Variants in ASIC2 observed in about 807,000 individuals in gnomAD.
ASIC2 encodes the protein acid-sensing ion channel 2.
ASIC2 carries 25 observed loss-of-function variants against 57.3 expected under a neutral mutation model. The ratio of observed to expected loss-of-function variants is 0.44; its 90% CI spans 0.32 to 0.61. The LOEUF (loss-of-function observed/expected upper bound fraction) is 0.61. ASIC2 is among the 20% of genes least tolerant of loss of function. The probability of loss-of-function intolerance (pLI) is 0.06; values close to 1 mark genes in which losing one functional copy is unlikely to be tolerated. For missense variants in ASIC2, 641 were observed against 738.1 expected (o/e 0.87, Z 1.52); for synonymous variants, 319 against 307.5 (o/e 1.04, Z -0.39).
chr17:33,171,544 T>C lies in ASIC2; in HGVS notation c.709-59477A>G, dbSNP rs115168897. ...TTCCACCTGCTTTTCTCCATCACCA[T>C]TGTTATCATGTCTGTTATCCATTAC... On this transcript the variant is annotated intron_variant, in intron 1 of 9. Transcript: ENST00000225823. 8.8e-3 allele frequency among the ~76,000 whole-genome samples: 1,339 copies of C among 152,316 alleles called. 23 individuals are homozygous for C. Among genetic ancestry groups the C allele is most frequent in the African/African-American group, 0.03 (1,247 of 41,564 alleles).
intron 1 of ASIC2, among the ~76,000 whole-genome samples, chr17:33,393,306 A>G (rs1909965918): frequency 6.6e-6 from 1 of 152,010 alleles, no homozygotes; most frequent in South Asian, 2.1e-4. Flanking sequence ...TGTTGTAGCC[A>G]TTCACCATGG....
chr17:33,801,711 A>G (rs372495054), intron 1 of ASIC2, among the ~76,000 whole-genome samples: 4 of 152,222 alleles, frequency 2.6e-5, no homozygotes, highest in African/African-American at 7.2e-5. Flanking sequence ...GTTATTAGCC[A>G]GAACCTTCAA....
intron 1 of ASIC2, among the ~76,000 whole-genome samples, chr17:33,241,138 T>A (rs1335620271): frequency 6.6e-6 from 1 of 152,234 alleles, no homozygotes; most frequent in African/African-American, 2.4e-5. Context: ...ATTAAACCCA[T>A]GTCTCCTTCA....
chr17:33,297,956 CTTTT>C (rs35388631), upstream of ASIC2, among the ~76,000 whole-genome samples: 2 of 136,820 alleles, frequency 1.5e-5, no homozygotes, highest in Non-Finnish European at 3.1e-5. Context: ...CTTTCTCTGC[CTTTT>C]TTTTTTTTTT....
chr17:33,088,931 A>C lies in ASIC2; in HGVS notation c.919T>G (p.Phe307Val), dbSNP rs562190167. 6.2e-7 allele frequency: 1 copy of C among 1,614,126 alleles called. No homozygotes were observed. Among genetic ancestry groups the C allele is most frequent in the South Asian group, 1.1e-5 (1 of 91,068 alleles). ...ACCCCAAAGCCCAGCTCTTGGATGAAAGGTGGCTCAGACTGACTGTGGATC... is the reference window on the plus strand; with the variant it reads ...ACCCCAAAGCCCAGCTCTTGGATGACAGGTGGCTCAGACTGACTGTGGATC... The part of the protein sequence containing the change: ...VQIHSQSEPP[F>V]IQELGFGVAP... The change falls in exon 3 of 10, where the codon TTC (phenylalanine) becomes GTC (valine). Residue 307 changes from phenylalanine to valine, a missense_variant. This residue lies in a region of ASIC2 where 252 missense variants were observed against 319.8 expected (regional missense o/e 0.79). Transcript: ENST00000225823.
chr17:33,209,006 G>A (rs1290416755), intron 1 of ASIC2, among the ~76,000 whole-genome samples: 3 of 152,094 alleles, frequency 2.0e-5, no homozygotes, highest in Non-Finnish European at 1.5e-5. Context: ...GCCTTCTAAT[G>A]CTCTGGTGTG....
chr17:33,272,040 T>G (rs901860145), intron 1 of ASIC2, among the ~76,000 whole-genome samples: 1 of 135,678 alleles, frequency 7.4e-6, no homozygotes, highest in African/African-American at 2.6e-5. Flanking sequence ...TGGCACTGTA[T>G]CTCTTCTGCC....
At chr17:33,963,364 G>A (rs566072660) in intron 1 of ASIC2, among the ~76,000 whole-genome samples, 2 of 152,110 alleles carry the variant, frequency 1.3e-5, no homozygotes, top group East Asian at 1.9e-4. Context: ...TCACATTTTC[G>A]TTTCTGCCCC....
intron 1 of ASIC2, among the ~76,000 whole-genome samples, chr17:33,766,362 T>C (rs1485990627): frequency 3.3e-5 from 5 of 152,208 alleles, no homozygotes; most frequent in African/African-American, 4.8e-5. Context: ...CCTACAGATA[T>C]AGAGGGACTG....
At chr17:33,922,352 T>A (rs1915725812) in intron 1 of ASIC2, among the ~76,000 whole-genome samples, 2 of 149,664 alleles carry the variant, frequency 1.3e-5, no homozygotes, top group South Asian at 4.5e-4. Flanking sequence ...GATAACCAAC[T>A]TATTTCTACA....
At chr17:33,591,099 T>A (rs1259017293) in intron 1 of ASIC2, among the ~76,000 whole-genome samples, 1 of 152,222 alleles carries the variant, frequency 6.6e-6, no homozygotes, top group African/African-American at 2.4e-5. Flanking sequence ...TGTTCTGGGC[T>A]CTGAGGGTGA....
chr17:34,083,622 G>C (rs542292508), intron 1 of ASIC2, among the ~76,000 whole-genome samples: 22 of 152,260 alleles, frequency 1.4e-4, no homozygotes, highest in African/African-American at 4.6e-4. Context: ...TGGTTAACTA[G>C]TTTACAGTCC....
intron 1 of ASIC2, among the ~76,000 whole-genome samples, chr17:33,300,729 C>A (rs1278891556): frequency 2.0e-5 from 3 of 152,140 alleles, no homozygotes; most frequent in African/African-American, 7.2e-5. Flanking sequence ...GCAGAGAGAT[C>A]CAGTTTAGGA....
rs536061875 is a variant in ASIC2, at chr17:33,718,236, A to G, written c.555+437742T>C. Among the ~76,000 whole-genome samples, 5 of 152,290 alleles carry G rather than the reference A, an allele frequency of 3.3e-5. No individual in the cohort carries two copies. The East Asian group carries it at 9.6e-4, about 29-fold the overall frequency. On this transcript the variant is annotated intron_variant, in intron 1 of 9. Transcript: ENST00000359872. ...GTAAATGGTTGTTAGACTGTAATTT[A>G]AGCATTTTTTATTGTTGTATTTTTT... is the stretch of plus-strand genomic sequence containing the variant.
intron 1 of ASIC2, among the ~76,000 whole-genome samples, chr17:33,568,249 TG>T (rs1916309961): frequency 6.6e-6 from 1 of 152,226 alleles, no homozygotes; most frequent in East Asian, 1.9e-4. Context: ...TTGTTCCCAC[TG>T]GGTTATGTCA....
intron 3 of ASIC2, among the ~76,000 whole-genome samples, chr17:33,058,578 T>C (rs1289628057): frequency 6.6e-6 from 1 of 152,130 alleles, no homozygotes; most frequent in Non-Finnish European, 1.5e-5. Flanking sequence ...ATAATACAAT[T>C]CTACTGCTGG....
At chr17:33,320,134 AG>A (rs1368030478) in intron 1 of ASIC2, among the ~76,000 whole-genome samples, 1 of 152,188 alleles carries the variant, frequency 6.6e-6, no homozygotes. Context: ...CACCCATACC[AG>A]CCCTGCGTGT....
At chr17:33,363,104 C>T (rs1263526050) in intron 1 of ASIC2, among the ~76,000 whole-genome samples, 3 of 152,036 alleles carry the variant, frequency 2.0e-5, no homozygotes, top group East Asian at 1.9e-4. Flanking sequence ...GGAAGAAATG[C>T]CCAGAAAGTC....
intron 1 of ASIC2, among the ~76,000 whole-genome samples, chr17:33,826,026 A>G (rs371131773): frequency 3.3e-5 from 5 of 152,242 alleles, no homozygotes; most frequent in African/African-American, 7.2e-5. Flanking sequence ...TCCATTAGCT[A>G]TGTGGATACT....
Sources: allele counts gnomAD v4.1 joint callset (sites outside exome capture counted in the v4.1 genomes callset), GRCh38; gene constraint gnomAD v4.1.1; regional missense constraint gnomAD v4.1.1; transcripts MANE v1.5; gene names NCBI Gene and HGNC (gene_info 2026-07-23, HGNC 2026-07-21).